TJP3: variants seen among roughly 807,000 people sequenced by gnomAD.
TJP3 encodes the protein tight junction protein ZO-3.
TJP3 carries 85 observed loss-of-function variants against 104.2 expected under a neutral mutation model. The ratio of observed to expected loss-of-function variants is 0.82; its 90% confidence interval spans 0.68 to 0.98. The LOEUF is 0.98. Ranked by LOEUF, TJP3 falls within the 50% of genes least tolerant of loss-of-function variation. The pLI is 0.00. For synonymous variants in TJP3, 550 were observed against 550.6 expected (o/e 1.00, Z 0.02); for missense variants, 1,367 against 1,322.8 (o/e 1.03, Z -0.52).
intron 18 of TJP3, among the ~76,000 whole-genome samples, chr19:3,747,293 T>C (rs2036911473): frequency 6.6e-6 from 1 of 152,084 alleles, no homozygotes; most frequent in Admixed American, 6.6e-5. Flanking sequence ...ACTCCTGACC[T>C]CAGGCGATCC....
At position 3,750,792 on chromosome 19, in the gene TJP3, TAAACA is replaced by T. The variant is rs966766612; in HGVS notation, c.*109_*113del. The T allele has an allele frequency of 1.9e-6, 2 of 1,079,008 alleles. No individual in the cohort carries two copies. The highest frequency in any genetic ancestry group is 3.2e-5 in the African/African-American group (2 of 63,332). The allele number at this position is 1,079,008 out of a possible 1,614,324, so 66.8% of individuals were successfully genotyped here. A position where few individuals can be genotyped will look rare whatever the true frequency, so the allele number is the denominator to read the frequency against. On this transcript the variant is annotated 3_prime_UTR_variant, in exon 21 of 21. Coordinates refer to ENST00000541714, the MANE Select transcript of TJP3 (RefSeq NM_001267560.2). ...TTACCTCCCTCCGCCTGGTCTTTAA[TAAACA>T]GAGTATTTTCACAGCACCGGCTTCT...
intron 15 of TJP3, among the ~76,000 whole-genome samples, chr19:3,745,133 CTTTTTTTTTTTTTT>C (rs549831017): frequency 2.3e-4 from 16 of 70,024 alleles, no homozygotes; most frequent in East Asian, 1.8e-3. Context: ...AATTTTATGT[CTTTTTTTTTTTTTT>C]TTTTTTTTTT....
chr19:3,717,405 T>TTATA (rs112882829), intron 1 of TJP3, among the ~76,000 whole-genome samples: 6,159 of 132,578 alleles, frequency 0.046, 176 homozygotes, highest in African/African-American at 0.055. Context: ...CAGCCATAGC[T>TTATA]TATATATATA....
In TJP3 at chr19:3,734,401, C is replaced by A; in HGVS notation, c.952C>A (p.Arg318=). ...CCCACCACCACCCCGGCATGCTCAG[C>A]GGAGCCCCGAGGCCAGCCAGACCGA... is the stretch of plus-strand genomic sequence containing the variant. The part of the protein sequence containing the change: ...HIPPPPRHAQ[R]SPEASQTDSP... The change falls in exon 8 of 21, where the codon CGG becomes AGG. Residue 318 remains arginine (R), a synonymous_variant. Coordinates refer to ENST00000541714, the MANE Select transcript of TJP3 (RefSeq NM_001267560.2). 4 of 1,612,244 alleles carry A rather than the reference C, an allele frequency of 2.5e-6. No individual in the cohort carries two copies. The highest frequency in any genetic ancestry group is 3.4e-6 in the Non-Finnish European group (4 of 1,179,670).
Position 3,746,380 on chromosome 19 carries a change from A to G in TJP3, c.2011-105A>G, listed in dbSNP as rs540948651. 8 of 1,276,406 alleles carry G rather than the reference A, an allele frequency of 6.3e-6. No individual in the cohort carries two copies. In the East Asian group the frequency reaches 9.5e-5, roughly 15 times the overall value. 79.1% of individuals were successfully genotyped at this position (1,276,406 alleles called of 1,614,324 possible). ...CAACTTGCTAGCCTGTGGATGTGAG[A>G]GGCTGGGGTCCACTCTGACCTCAGA... On this transcript the variant is annotated intron_variant, in intron 16 of 20. Coordinates refer to ENST00000541714, the MANE Select transcript of TJP3 (RefSeq NM_001267560.2). The surrounding 1 kb of genome is among the most constrained non-coding windows in gnomAD (Gnocchi z 4.1).
intron 13 of TJP3, 100 bp downstream of exon 13, chr19:3,739,234 G>A (rs1368788413): frequency 4.4e-6 from 5 of 1,131,326 alleles, no homozygotes; most frequent in Middle Eastern, 3.1e-4. Flanking sequence ...GCTCAGGCCT[G>A]TAATCCTGGC....
Position 3,730,371 on chromosome 19 carries a change from G to A in TJP3, c.278G>A (p.Arg93Gln), listed in dbSNP as rs767375527. The A allele has an allele frequency of 4.9e-5, 76 of 1,540,432 alleles. No individual in the cohort carries two copies. Among genetic ancestry groups the A allele is most frequent in the Non-Finnish European group, 5.8e-5 (66 of 1,144,952 alleles). ...KMANITVKRPRRIHLPATKAS... is the reference protein window; with the variant it reads ...KMANITVKRPQRIHLPATKAS... ...CTCTAACAGACAGTGAAACGTCCCCGGAGGATCCACCTGCCCGCCACCAAA... is the reference window on the plus strand; with the variant it reads ...CTCTAACAGACAGTGAAACGTCCCCAGAGGATCCACCTGCCCGCCACCAAA... Residue 93 changes from arginine (R) to glutamine (Q), a missense_variant, in exon 5 of 21, where the codon CGG becomes CAG. By Grantham distance (43) the Arg-to-Gln change is conservative. Coordinates refer to ENST00000541714, the MANE Select transcript of TJP3 (RefSeq NM_001267560.2). This position sits in a 1 kb window ranked among gnomAD's most constrained non-coding sequence, Gnocchi z 7.3.
intron 19 of TJP3, among the ~76,000 whole-genome samples, chr19:3,748,311 G>A (rs1432006343): frequency 2.9e-5 from 4 of 138,160 alleles, no homozygotes; most frequent in Admixed American, 1.6e-4. Context: ...TTGCTCTGTC[G>A]CCTAGGCTGG....
chr19:3,747,655 C>G (rs548612348), intron 18 of TJP3, 139 bp from the exon 19 acceptor site: 17 of 1,080,696 alleles, frequency 1.6e-5, no homozygotes, highest in Middle Eastern at 3.1e-4. Context: ...CTGGAGTCAA[C>G]AGAGAAGCCT....
Position 3,746,817 on chromosome 19 carries a change from G to A in TJP3, c.2263G>A (p.Glu755Lys), listed in dbSNP as rs1309632368. ...LNGTSDTWYQ[E>K]LKAIIREQQT... is the part of the protein sequence containing the mutation. ...TGGCACGAGTGACACCTGGTACCAG[G>A]AGCTCAAGGCCATCATTCGAGAGCA... is the stretch of plus-strand genomic sequence containing the variant. The change falls in exon 18 of 21, where the codon GAG becomes AAG. Residue 755 changes from glutamate to lysine, a missense_variant. Transcript: ENST00000541714. This position sits in a 1 kb window ranked among gnomAD's most constrained non-coding sequence, Gnocchi z 4.1. 1.9e-6 allele frequency: 3 copies of A among 1,612,234 alleles called. No homozygotes were observed. Among genetic ancestry groups the A allele is most frequent in the South Asian group, 2.2e-5 (2 of 90,530 alleles).
intron 1 of TJP3, among the ~76,000 whole-genome samples, chr19:3,713,140 C>T (rs1344087093): frequency 6.6e-6 from 1 of 152,112 alleles, no homozygotes; most frequent in African/African-American, 2.4e-5. Flanking sequence ...TTCTTCAGCC[C>T]TCCAGTGCCT....
chr19:3,719,066 C>A (rs1268330023), intron 1 of TJP3, among the ~76,000 whole-genome samples: 1 of 151,872 alleles, frequency 6.6e-6, no homozygotes, highest in Non-Finnish European at 1.5e-5. Flanking sequence ...CGCCTGTAGT[C>A]CCAGCTACTC....
At chr19:3,714,326 C>G (rs1490755483) in intron 1 of TJP3, among the ~76,000 whole-genome samples, 1 of 151,750 alleles carries the variant, frequency 6.6e-6, no homozygotes, top group South Asian at 2.1e-4. Context: ...ATTACAGGCA[C>G]GTGCCACTAC....
Position 3,728,602 on chromosome 19 carries a change from A to G in TJP3, c.49-2A>G, listed in dbSNP as rs149194659. 6.2e-7 allele frequency: 1 copy of G among 1,611,540 alleles called. No homozygotes were observed. The highest frequency in any genetic ancestry group is 1.3e-5 in the African/African-American group (1 of 74,922). ...CTCTTCCTTCCCCTCATCCTCTCTCAGGACCCCCGCCGGGGCTTTGGCATT... is the reference window on the plus strand; with the variant it reads ...CTCTTCCTTCCCCTCATCCTCTCTCGGGACCCCCGCCGGGGCTTTGGCATT... On this transcript the variant is annotated splice_acceptor_variant, in intron 2 of 20. Coordinates refer to ENST00000541714, the MANE Select transcript of TJP3 (RefSeq NM_001267560.2). LOFTEE classifies it high-confidence loss of function.
Position 3,727,578 on chromosome 19 carries a change from TTC to T in TJP3, c.-9-844_-9-843del, listed in dbSNP as rs375357060. 2.6e-3 allele frequency among the ~76,000 whole-genome samples: 395 copies of T among 152,096 alleles called. 2 individuals are homozygous for T. Among genetic ancestry groups the T allele is most frequent in the African/African-American group, 9.1e-3 (378 of 41,484 alleles). On this transcript the variant is annotated intron_variant, in intron 1 of 20. Coordinates refer to ENST00000541714, the MANE Select transcript of TJP3 (RefSeq NM_001267560.2). ...ACTCATTAATTCATTCAGCAAATCC[TTC>T]TTGAATCCCTGCTGCAACTCAGGCG...
At chr19:3,742,192 G>A (rs1362972822) in intron 14 of TJP3, among the ~76,000 whole-genome samples, 1 of 152,068 alleles carries the variant, frequency 6.6e-6, no homozygotes, top group East Asian at 1.9e-4. Context: ...CCAGCACTTT[G>A]GGAGGCCAAG....
intron 12 of TJP3, 22 bp from the exon 13 acceptor site, chr19:3,738,875 T>C (rs372850865): frequency 3.5e-5 from 54 of 1,556,738 alleles, no homozygotes; most frequent in Non-Finnish European, 4.5e-5. Flanking sequence ...AGGCAGCTCA[T>C]GTGGCCTCCC....
intron 15 of TJP3, among the ~76,000 whole-genome samples, chr19:3,745,051 C>T (rs1423947720): frequency 1.3e-5 from 2 of 151,174 alleles, no homozygotes; most frequent in Non-Finnish European, 1.5e-5. Context: ...AGTTTGAGAC[C>T]AGCCTGGGCA....
chr19:3,736,180 G>C lies in TJP3; in HGVS notation c.1143G>C (p.Thr381=), dbSNP rs564498611. 6.3e-7 allele frequency: 1 copy of C among 1,595,592 alleles called. No individual in the cohort carries two copies. Among genetic ancestry groups the C allele is most frequent in the Non-Finnish European group, 8.5e-7 (1 of 1,171,078 alleles). ...CCCCTTGCAGGTACAGCCCCGACAC[G>C]CGTGTGGTCCGCTTCCTCAAGGGCA... ...SMEDRGYSPD[T]RVVRFLKGKS... The change falls in exon 11 of 21, where the codon ACG becomes ACC. Residue 381 remains threonine (T), a synonymous_variant. Transcript: ENST00000541714.
Sources: allele counts gnomAD v4.1 joint callset (sites outside exome capture counted in the v4.1 genomes callset), GRCh38; gene constraint gnomAD v4.1.1; non-coding constraint Gnocchi (gnomAD v3.1); transcripts MANE v1.5; gene names NCBI Gene and HGNC (gene_info 2026-07-23, HGNC 2026-07-21).